The following GRK5 variants were observed in gnomAD, a reference collection of about 807,000 sequenced individuals.
GRK5 encodes the protein g protein-coupled receptor kinase GRK5.
In GRK5, 40 loss-of-function variants were observed where a neutral mutation model predicts 78.4. The ratio of observed to expected loss-of-function variants is 0.51; its 90% CI spans 0.40 to 0.66. The LOEUF is 0.66. GRK5 is among the 30% of genes least tolerant of loss of function. The pLI is 0.00. For synonymous variants in GRK5, 289 were observed against 296.8 expected (o/e 0.97, Z 0.27); for missense variants, 598 against 759.9 (o/e 0.79, Z 2.50).
rs774006136 is a variant in GRK5 at position 119,455,745 on chromosome 10, TC to T, written c.*683del. ...AAATGTTCCAGACACACGTGGGACT[TC>T]CCCCTCCCAGCCAGAATGTCCTCTC... On this transcript the variant is annotated 3_prime_UTR_variant, in exon 16 of 16. Coordinates refer to ENST00000392870, the MANE Select transcript of GRK5 (RefSeq NM_005308.3). The T allele has an allele frequency of 5.3e-6, 1 of 190,216 alleles. No individual in the cohort carries two copies. Among genetic ancestry groups the T allele is most frequent in the African/African-American group, 2.4e-5 (1 of 41,634 alleles). 11.8% of individuals were successfully genotyped at this position (190,216 alleles called of 1,614,324 possible).
intron 4 of GRK5, among the ~76,000 whole-genome samples, chr10:119,399,539 G>T (rs941869519): frequency 2.0e-5 from 3 of 152,136 alleles, no homozygotes; most frequent in African/African-American, 4.8e-5. Context: ...CTTCCCAAAA[G>T]GTAGACCATA....
intron 1 of GRK5, among the ~76,000 whole-genome samples, chr10:119,285,670 G>A (rs1483393796): frequency 1.3e-5 from 2 of 152,170 alleles, no homozygotes; most frequent in African/African-American, 4.8e-5. Context: ...CCCGCACTGG[G>A]TGATGCAGAA....
intron 1 of GRK5, among the ~76,000 whole-genome samples, chr10:119,310,739 A>G (rs181611945): frequency 6.6e-6 from 1 of 152,290 alleles, no homozygotes; most frequent in East Asian, 1.9e-4. Context: ...AGGGCTTAAC[A>G]TGGGATGAGT....
chr10:119,255,038 CAAA>C (rs11427427), intron 1 of GRK5, among the ~76,000 whole-genome samples: 1 of 113,754 alleles, frequency 8.8e-6, no homozygotes, highest in Non-Finnish European at 1.7e-5. Context: ...GACTCAGTCT[CAAA>C]AAAAAAAAAA....
chr10:119,413,998 G>A (rs1248410341), intron 4 of GRK5, among the ~76,000 whole-genome samples: 3 of 152,228 alleles, frequency 2.0e-5, no homozygotes, highest in African/African-American at 7.2e-5. Flanking sequence ...CTCTGTTCCC[G>A]CCCCGGAGGA....
At chr10:119,215,763 G>A (rs1848561150) in intron 1 of GRK5, among the ~76,000 whole-genome samples, 1 of 152,088 alleles carries the variant, frequency 6.6e-6, no homozygotes, top group African/African-American at 2.4e-5. Flanking sequence ...GATACATACA[G>A]AGCCCCATGT....
intron 1 of GRK5, among the ~76,000 whole-genome samples, chr10:119,239,946 C>G (rs1201235329): frequency 6.6e-6 from 1 of 152,086 alleles, no homozygotes; most frequent in African/African-American, 2.4e-5. Flanking sequence ...GGTTCCAAGT[C>G]TTTGCTATTG....
Position 119,336,306 on chromosome 10 carries a change from G to C in GRK5, c.148+9695G>C, listed in dbSNP as rs1197104222. The C allele has an allele frequency of 6.6e-6, 1 of 152,234 alleles. No homozygotes were observed. The highest frequency in any genetic ancestry group is 1.5e-5 in the Non-Finnish European group (1 of 68,094). The allele number at this position is 152,234 out of a possible 1,614,324, so 9.4% of individuals were successfully genotyped here. A position where few individuals can be genotyped will look rare whatever the true frequency, so the allele number is the denominator to read the frequency against. ...AGCTGGAAGCATCACACTCTGCCCA[G>C]GCCCCTGCTCTGGCCCAGTGTGTTT... On this transcript the variant is annotated intron_variant, in intron 2 of 15. Coordinates refer to ENST00000392870, the MANE Select transcript of GRK5 (RefSeq NM_005308.3). The surrounding 1 kb of genome is among the most constrained non-coding windows in gnomAD (Gnocchi z 4.5).
chr10:119,394,330 GTGTGT>G (rs1851971645), intron 3 of GRK5, among the ~76,000 whole-genome samples: 3 of 12,642 alleles, frequency 2.4e-4, no homozygotes, highest in Non-Finnish European at 5.9e-4. Context: ...GTGTGTATCT[GTGTGT>G]CTGTGTGTGG....
rs567829847 is a variant in GRK5 at position 119,341,877 on chromosome 10, C to T, written c.148+15266C>T. 3.9e-5 allele frequency among the ~76,000 whole-genome samples: 6 copies of T among 152,244 alleles called. No individual in the cohort carries two copies. In the South Asian group the frequency reaches 8.3e-4, roughly 21 times the overall value. On this transcript the variant is annotated intron_variant, in intron 2 of 15. Transcript: ENST00000392870. ...GGAAATGTGGACTGAGAACAGCTGT[C>T]GCATGTCAGTTCCGAAGTAGCCGCT...
chr10:119,327,647 C>A (rs913830002), intron 2 of GRK5, among the ~76,000 whole-genome samples: 1 of 152,188 alleles, frequency 6.6e-6, no homozygotes, highest in African/African-American at 2.4e-5. Context: ...GGCCTCTTCA[C>A]GGTCTGTCCC....
chr10:119,441,342 G>A (rs1372978183), intron 10 of GRK5, among the ~76,000 whole-genome samples: 1 of 152,208 alleles, frequency 6.6e-6, no homozygotes, highest in Non-Finnish European at 1.5e-5. Context: ...AAGGGAAGGG[G>A]ACGTGTTCCT....
intron 8 of GRK5, among the ~76,000 whole-genome samples, chr10:119,435,361 C>G (rs1426320037): frequency 6.6e-6 from 1 of 152,214 alleles, no homozygotes; most frequent in Non-Finnish European, 1.5e-5. Flanking sequence ...TTATGCTCTC[C>G]TTCCCTTACA....
At chr10:119,413,540 C>A (rs1459226296) in intron 4 of GRK5, among the ~76,000 whole-genome samples, 1 of 151,986 alleles carries the variant, frequency 6.6e-6, no homozygotes, top group Non-Finnish European at 1.5e-5. Context: ...CCTGGATTTG[C>A]GTCTCAGGTC....
chr10:119,427,384 C>T (rs1852711431), intron 6 of GRK5, among the ~76,000 whole-genome samples: 1 of 130,092 alleles, frequency 7.7e-6, no homozygotes, highest in Non-Finnish European at 1.6e-5. Context: ...GCATCACCAC[C>T]ATCATCAGCA....
At chr10:119,297,225 A>G (rs1362588960) in intron 1 of GRK5, among the ~76,000 whole-genome samples, 1 of 152,262 alleles carries the variant, frequency 6.6e-6, no homozygotes, top group Non-Finnish European at 1.5e-5. Flanking sequence ...GTGTAATTTC[A>G]AAGTCATGGT....
chr10:119,424,908 C>A, intron 5 of GRK5, 85 bp from the exon 6 acceptor site: 1 of 952,810 alleles, frequency 1.0e-6, no homozygotes, highest in Non-Finnish European at 1.7e-6. Context: ...TGTTTACTTG[C>A]ATTTCCAAAG....
intron 2 of GRK5, among the ~76,000 whole-genome samples, chr10:119,335,180 C>T (rs1850859122): frequency 7.3e-6 from 1 of 136,732 alleles, no homozygotes; most frequent in African/African-American, 2.9e-5. Context: ...CTCTCTCCCC[C>T]TCTCCCTCTC....
intron 1 of GRK5, among the ~76,000 whole-genome samples, chr10:119,232,746 T>C (rs2133727676): frequency 6.6e-6 from 1 of 152,324 alleles, no homozygotes; most frequent in Non-Finnish European, 1.5e-5. Flanking sequence ...TCCCCAGCCA[T>C]GTGAAACTGA....
Sources: allele counts gnomAD v4.1 joint callset (sites outside exome capture counted in the v4.1 genomes callset), GRCh38; gene constraint gnomAD v4.1.1; non-coding constraint Gnocchi (gnomAD v3.1); transcripts MANE v1.5; gene names NCBI Gene and HGNC (gene_info 2026-07-23, HGNC 2026-07-21).